The following EFCAB6 variants were observed in gnomAD, a reference collection of about 807,000 sequenced individuals.
EFCAB6 encodes EF-hand calcium binding domain 6, also known as EF-hand calcium-binding domain-containing protein 6.
Under a neutral mutation model 169.8 loss-of-function variants are expected in EFCAB6, and 156 were observed. The ratio of observed to expected loss-of-function variants is 0.92; its 90% CI spans 0.81 to 1.05. EFCAB6 has a LOEUF of 1.05. EFCAB6 is among the 50% of genes least tolerant of loss of function. EFCAB6 has a pLI of 0.00. For synonymous variants in EFCAB6, 698 were observed against 676.4 expected (o/e 1.03, Z -0.50); for missense variants, 1,800 against 1,829.1 (o/e 0.98, Z 0.29).
chr22:43,783,121 A>C (rs557403693), intron 2 of EFCAB6, among the ~76,000 whole-genome samples: 1 of 152,180 alleles, frequency 6.6e-6, no homozygotes, highest in Non-Finnish European at 1.5e-5. Flanking sequence ...CCTACTCCCA[A>C]GGCTGTCTTT....
intron 10 of EFCAB6, among the ~76,000 whole-genome samples, chr22:43,693,855 C>T (rs1187257635): frequency 6.6e-6 from 1 of 151,842 alleles, no homozygotes; most frequent in African/African-American, 2.4e-5. Flanking sequence ...GATCAACACA[C>T]AGGATTTTAA....
intron 26 of EFCAB6, among the ~76,000 whole-genome samples, chr22:43,567,339 T>C (rs2049512662): frequency 6.6e-6 from 1 of 152,180 alleles, no homozygotes; most frequent in Admixed American, 6.5e-5. Context: ...AATGATTCAA[T>C]AAATTCATGG....
At chr22:43,600,309 A>C in intron 22 of EFCAB6, 46 bp from the exon 23 acceptor site, 1 of 1,588,094 alleles carries the variant, frequency 6.3e-7, no homozygotes, top group Non-Finnish European at 8.6e-7. Context: ...GTAGCCAGTA[A>C]GGTGTGCTGA....
In EFCAB6 at chr22:43,678,036, T is replaced by C. The variant is rs537169172; in HGVS notation, c.1379A>G (p.Asn460Ser). The change falls in exon 13 of 32, where the codon AAC (asparagine) becomes AGC (serine). Residue 460 changes from asparagine (N) to serine (S), a missense_variant. By Grantham distance (46) the Asn-to-Ser change is conservative (BLOSUM62 1). Transcript: ENST00000262726. ...AATCAGATCAATAAACATGCTGGTGTTGACCACTCCAGTGTCCCCAGGGTC... is the reference window on the plus strand; with the variant it reads ...AATCAGATCAATAAACATGCTGGTGCTGACCACTCCAGTGTCCCCAGGGTC... ...MLDPGDTGVV[N>S]TSMFIDLIEE... The C allele has an allele frequency of 6.2e-7, 1 of 1,614,086 alleles. No homozygotes were observed. The highest frequency in any genetic ancestry group is 1.1e-5 in the South Asian group (1 of 91,080).
At chr22:43,761,274 T>C (rs1035920122) in intron 5 of EFCAB6, among the ~76,000 whole-genome samples, 3 of 152,342 alleles carry the variant, frequency 2.0e-5, no homozygotes, top group African/African-American at 7.2e-5. Context: ...TCTCAGGTAT[T>C]CTGTTATAGC....
intron 21 of EFCAB6, among the ~76,000 whole-genome samples, chr22:43,609,867 G>C (rs2053182893): frequency 6.6e-6 from 1 of 152,170 alleles, no homozygotes; most frequent in Non-Finnish European, 1.5e-5. Flanking sequence ...GCTGATCAGG[G>C]GAACAGAATG....
chr22:43,735,970 AAC>A lies in EFCAB6; in HGVS notation c.529_530del (p.Val177TyrfsTer5). 2 of 1,613,794 alleles carry A rather than the reference AAC, an allele frequency of 1.2e-6. No individual in the cohort carries two copies. The highest frequency in any genetic ancestry group is 1.7e-6 in the Non-Finnish European group (2 of 1,179,932). On this transcript the variant is annotated frameshift_variant, in exon 7 of 32. Transcript: ENST00000262726. LOFTEE classifies it high-confidence loss of function. The stretch of plus-strand genomic sequence containing the variant: ...CATCAATGAGCTCAAAGGCTTTCAT[AAC>A]AGTCTTAATGTTTTTGAAAACCTAT... ...GEKVFKNIKT[V>X]MKAFELIDVN...
intron 27 of EFCAB6, among the ~76,000 whole-genome samples, chr22:43,548,539 C>CAAAAAAAAAAAAAAAA (rs397868076): frequency 5.4e-5 from 2 of 36,750 alleles, no homozygotes; most frequent in African/African-American, 1.1e-4. Flanking sequence ...GAATCCATCT[C>CAAAAAAAAAAAAAAAA]AAAAAAAAAA....
Position 43,634,993 on chromosome 22 carries a change from A to G in EFCAB6, c.2098+109T>C. On this transcript the variant is annotated intron_variant, in intron 18 of 31. Coordinates refer to ENST00000262726, the MANE Select transcript of EFCAB6 (RefSeq NM_022785.4). Reference sequence around the variant, plus strand: ...GCCCCAGAAGACACCTCGTTTCAACATCTCAGCTTGTGCTACTTCAACCCG... The same window carrying G: ...GCCCCAGAAGACACCTCGTTTCAACGTCTCAGCTTGTGCTACTTCAACCCG... 5 of 789,600 alleles carry G rather than the reference A, an allele frequency of 6.3e-6. No individual in the cohort carries two copies. The South Asian group carries it at 7.8e-5, about 12-fold the overall frequency. The allele number at this position is 789,600 out of a possible 1,614,324, so 48.9% of individuals were successfully genotyped here.
intron 3 of EFCAB6, among the ~76,000 whole-genome samples, chr22:43,774,682 G>A (rs1464639732): frequency 2.0e-5 from 3 of 151,744 alleles, no homozygotes; most frequent in Non-Finnish European, 4.4e-5. Flanking sequence ...CCGGTGACAG[G>A]ATGGAAGGTG....
chr22:43,742,408 G>T (rs2060407556), intron 6 of EFCAB6, among the ~76,000 whole-genome samples: 1 of 152,134 alleles, frequency 6.6e-6, no homozygotes, highest in Non-Finnish European at 1.5e-5. Flanking sequence ...TATGGAAAAA[G>T]TTCACTGACC....
Position 43,632,188 on chromosome 22 carries a change from A to G in EFCAB6, c.2149T>C (p.Ser717Pro). The change falls in exon 19 of 32, where the codon TCA (serine) becomes CCA (proline). Residue 717 changes from serine to proline, a missense_variant. Transcript: ENST00000262726. ...AAGTGGCTGTTCACGTAACTTTTTG[A>G]AGGAGTTGGAGGCTGCGGCGGAGTG... is the stretch of plus-strand genomic sequence containing the variant. The part of the protein sequence containing the change: ...ETTPPQPPTP[S>P]KSYVNSHFIT... 6.2e-7 allele frequency: 1 copy of G among 1,613,394 alleles called. No individual in the cohort carries two copies. Among genetic ancestry groups the G allele is most frequent in the Non-Finnish European group, 8.5e-7 (1 of 1,179,608 alleles).
chr22:43,671,921 A>C, intron 15 of EFCAB6, 52 bp downstream of exon 15: 861 of 1,430,030 alleles, frequency 6.0e-4, no homozygotes, highest in Non-Finnish European at 7.8e-4. Context: ...GAATTATGGA[A>C]CAGGCCTGAT....
intron 15 of EFCAB6, 46 bp downstream of exon 15, chr22:43,671,927 C>T (rs2057509019): frequency 6.2e-7 from 1 of 1,601,582 alleles, no homozygotes; most frequent in South Asian, 1.1e-5. Flanking sequence ...TGGAACAGGC[C>T]TGATGAAAAA....
intron 9 of EFCAB6, among the ~76,000 whole-genome samples, chr22:43,712,640 G>A (rs2059200487): frequency 6.6e-6 from 1 of 152,150 alleles, no homozygotes; most frequent in Non-Finnish European, 1.5e-5. Context: ...TTCTCTTTCA[G>A]GGAGGTGGGC....
In EFCAB6 at chr22:43,572,114, T is replaced by C. The variant is rs2049923398; in HGVS notation, c.3420+4183A>G. Among the ~76,000 whole-genome samples the C allele has an allele frequency of 6.6e-6, 1 of 152,202 alleles. No homozygotes were observed. Among genetic ancestry groups the C allele is most frequent in the Non-Finnish European group, 1.5e-5 (1 of 68,038 alleles). On this transcript the variant is annotated intron_variant, in intron 26 of 31. Transcript: ENST00000262726. The surrounding 1 kb of genome is among the most constrained non-coding windows in gnomAD (Gnocchi z 4.0). ...GTGCCACCTCTGCATCCACGGTTCC[T>C]AGTCCACCGTGGTTAGTCCCTGTCT...
intron 26 of EFCAB6, among the ~76,000 whole-genome samples, chr22:43,566,158 C>T (rs1358565488): frequency 6.6e-6 from 1 of 152,210 alleles, no homozygotes; most frequent in Non-Finnish European, 1.5e-5. Context: ...AGGGGAGCCT[C>T]TGGTGCATCA....
intron 6 of EFCAB6, among the ~76,000 whole-genome samples, chr22:43,739,331 GCTCT>G (rs1293641334): frequency 6.6e-6 from 1 of 152,172 alleles, no homozygotes; most frequent in Non-Finnish European, 1.5e-5. Flanking sequence ...CAGAGCCAAT[GCTCT>G]CTCTCCTTCT....
At chr22:43,575,358 GTTTTTTTTTTT>G (rs34543550) in intron 26 of EFCAB6, among the ~76,000 whole-genome samples, 1 of 104,838 alleles carries the variant, frequency 9.5e-6, no homozygotes, top group Non-Finnish European at 1.8e-5. Context: ...ATCCGGCTAT[GTTTTTTTTTTT>G]TTTTTTTTTT....
Sources: gnomAD v4.1 joint callset for allele counts (sites outside exome capture counted in the v4.1 genomes callset) on GRCh38, gnomAD v4.1.1 for gene constraint, Gnocchi (gnomAD v3.1) non-coding constraint, MANE v1.5 for transcripts, NCBI Gene and HGNC (gene_info 2026-07-23, HGNC 2026-07-21) for gene names.